LRFN5: variants seen among roughly 807,000 people sequenced by gnomAD.
LRFN5 encodes the protein leucine-rich repeat and fibronectin type-III domain-containing protein 5.
LRFN5 carries 24 observed loss-of-function variants against 45.6 expected under a neutral mutation model. The observed-to-expected ratio is 0.53, with a 90% confidence interval of 0.38 to 0.74. The LOEUF (loss-of-function observed/expected upper bound fraction) is 0.74. Among genes scored for constraint, LRFN5 ranks in the 30% least tolerant of loss-of-function variants. LRFN5 has a pLI of 0.00. For synonymous variants in LRFN5, 340 were observed against 313.8 expected (o/e 1.08, Z -0.88); for missense variants, 776 against 861.5 (o/e 0.90, Z 1.24).
intron 1 of LRFN5, among the ~76,000 whole-genome samples, chr14:41,665,600 C>G (rs1393845125): frequency 6.6e-6 from 1 of 151,980 alleles, no homozygotes; most frequent in Non-Finnish European, 1.5e-5. Flanking sequence ...ATTTTCAGCT[C>G]ACGAACAAGT....
chr14:41,870,979 A>T (rs1253348780), intron 2 of LRFN5, among the ~76,000 whole-genome samples: 1 of 152,130 alleles, frequency 6.6e-6, no homozygotes, highest in East Asian at 1.9e-4. Context: ...ATACTAGATT[A>T]TCAGTACATA....
chr14:41,813,148 G>T (rs1887793364), intron 2 of LRFN5, among the ~76,000 whole-genome samples: 1 of 152,040 alleles, frequency 6.6e-6, no homozygotes, highest in Non-Finnish European at 1.5e-5. Flanking sequence ...ACTCAAATCT[G>T]TTTTCAACTA....
At chr14:41,734,316 T>TATATATATATATA (rs1884314909) in intron 1 of LRFN5, among the ~76,000 whole-genome samples, 3 of 38,798 alleles carry the variant, frequency 7.7e-5, no homozygotes, top group African/African-American at 1.6e-4. Flanking sequence ...TGGACTGGTT[T>TATATATATATATA]TATATATATA....
chr14:41,704,181 C>G (rs1594630497), intron 1 of LRFN5, among the ~76,000 whole-genome samples: 1 of 152,102 alleles, frequency 6.6e-6, no homozygotes, highest in Non-Finnish European at 1.5e-5. Flanking sequence ...TAAATGAATG[C>G]TTTTCCAAAT....
At chr14:41,689,160 T>C (rs1882256995) in intron 1 of LRFN5, among the ~76,000 whole-genome samples, 1 of 151,376 alleles carries the variant, frequency 6.6e-6, no homozygotes, top group African/African-American at 2.4e-5. Context: ...AGAAGAAAGC[T>C]CTCCAATCAA....
intron 1 of LRFN5, among the ~76,000 whole-genome samples, chr14:41,717,232 C>G (rs528574941): frequency 6.6e-6 from 1 of 152,202 alleles, no homozygotes; most frequent in Non-Finnish European, 1.5e-5. Flanking sequence ...CACTCAACCT[C>G]TATTACATCC....
chr14:41,689,688 A>T (rs374817208), intron 1 of LRFN5, among the ~76,000 whole-genome samples: 5 of 151,422 alleles, frequency 3.3e-5, no homozygotes, highest in African/African-American at 1.2e-4. Context: ...AGGTCAGGAG[A>T]TCGAGACCAT....
chr14:41,797,067 T>C (rs1415939272), intron 2 of LRFN5, among the ~76,000 whole-genome samples: 2 of 151,906 alleles, frequency 1.3e-5, no homozygotes, highest in East Asian at 3.9e-4. Flanking sequence ...AAATAGTTTT[T>C]AATCTACCAA....
chr14:41,890,940 C>A (rs998340706), intron 3 of LRFN5, among the ~76,000 whole-genome samples: 2 of 152,104 alleles, frequency 1.3e-5, no homozygotes, highest in African/African-American at 4.8e-5. Context: ...CACAGTCACA[C>A]CTTTCAAAAG....
At position 41,744,286 on chromosome 14, in the gene LRFN5, G is replaced by A. The variant is rs138272046; in HGVS notation, c.-196-22568G>A. Among the ~76,000 whole-genome samples the A allele has an allele frequency of 9.6e-3, 1,463 of 152,192 alleles. 8 individuals are homozygous for A. The highest frequency in any genetic ancestry group is 0.015 in the East Asian group (79 of 5,178). On this transcript the variant is annotated intron_variant, in intron 1 of 5. Transcript: ENST00000298119. Reference sequence around the variant, plus strand: ...ACAGGAGTATCACTTGAGCCCAGGCGGTTGAAGCTGCAGAGAGCTGGTATC... The same window carrying A: ...ACAGGAGTATCACTTGAGCCCAGGCAGTTGAAGCTGCAGAGAGCTGGTATC...
chr14:41,733,631 AG>A, intron 1 of LRFN5: 1 of 152,208 alleles, frequency 6.6e-6, no homozygotes, highest in African/African-American at 2.4e-5. Context: ...ATCTCAGTAA[AG>A]GTAAGTAAGT....
intron 1 of LRFN5, among the ~76,000 whole-genome samples, chr14:41,635,466 T>A (rs1879260045): frequency 6.6e-6 from 1 of 152,124 alleles, no homozygotes; most frequent in African/African-American, 2.4e-5. Context: ...CAAAATTAAG[T>A]TGTTATATCC....
chr14:41,838,786 G>A (rs180677038), intron 2 of LRFN5, among the ~76,000 whole-genome samples: 1 of 152,136 alleles, frequency 6.6e-6, no homozygotes, highest in African/African-American at 2.4e-5. Flanking sequence ...TTAGACTGAT[G>A]TGGGAATGTT....
At chr14:41,636,665 T>C (rs181487874) in intron 1 of LRFN5, among the ~76,000 whole-genome samples, 1 of 150,434 alleles carries the variant, frequency 6.6e-6, no homozygotes, top group Admixed American at 6.6e-5. Context: ...CAGTAGGAGG[T>C]GTGGAGCAGG....
At chr14:41,789,413 TCC>T (rs1253691740) in intron 2 of LRFN5, among the ~76,000 whole-genome samples, 3 of 152,154 alleles carry the variant, frequency 2.0e-5, no homozygotes, top group East Asian at 3.9e-4. Context: ...GGCATCTTCC[TCC>T]TCTCTGATAT....
intron 4 of LRFN5, among the ~76,000 whole-genome samples, chr14:41,897,343 T>G (rs1890974986): frequency 6.6e-6 from 1 of 151,928 alleles, no homozygotes; most frequent in South Asian, 2.1e-4. Flanking sequence ...ATTTCTCTGG[T>G]AAGTGTAATG....
chr14:41,673,945 G>C (rs1881415983), intron 1 of LRFN5, among the ~76,000 whole-genome samples: 1 of 144,130 alleles, frequency 6.9e-6, no homozygotes, highest in African/African-American at 2.6e-5. Flanking sequence ...TGGGCGGGGG[G>C]CTGACACCCC....
At position 41,826,572 on chromosome 14, in the gene LRFN5, A is replaced by G. The variant is rs147354019; in HGVS notation, c.-21+59543A>G. 7.0e-3 allele frequency among the ~76,000 whole-genome samples: 1,073 copies of G among 152,304 alleles called. 12 individuals are homozygous for G. Among genetic ancestry groups the G allele is most frequent in the African/African-American group, 0.025 (1,025 of 41,572 alleles). On this transcript the variant is annotated intron_variant, in intron 2 of 5. Coordinates refer to ENST00000298119, the MANE Select transcript of LRFN5 (RefSeq NM_152447.5). ...AAATGCCCAGTCTCTCTGTTGGTCC[A>G]ATATATACTCAATAATAACTAAGAA...
intron 1 of LRFN5, among the ~76,000 whole-genome samples, chr14:41,610,336 C>T (rs1887697297): frequency 6.6e-6 from 1 of 152,118 alleles, no homozygotes; most frequent in Non-Finnish European, 1.5e-5. Flanking sequence ...TATTCAAATA[C>T]TGCATGATTT....
Sources: gnomAD v4.1 joint callset for allele counts (sites outside exome capture counted in the v4.1 genomes callset) on GRCh38, gnomAD v4.1.1 for gene constraint, MANE v1.5 for transcripts, NCBI Gene and HGNC (gene_info 2026-07-23, HGNC 2026-07-21) for gene names.